ZNF490: variants seen among roughly 807,000 people sequenced by gnomAD.
ZNF490 encodes the protein zinc finger protein 490.
In ZNF490, 11 loss-of-function variants were observed where a neutral mutation model predicts 17.7. That is an observed-to-expected ratio of 0.62 (90% CI 0.39 to 1.03). ZNF490 has a LOEUF of 1.03. Ranked by LOEUF, ZNF490 falls within the 50% of genes least tolerant of loss-of-function variation. The pLI, the probability that ZNF490 is intolerant of heterozygous loss-of-function variation, is 0.00. For synonymous variants in ZNF490, 222 were observed against 216.1 expected (o/e 1.03, Z -0.24); for missense variants, 542 against 643.4 (o/e 0.84, Z 1.71).
chr19:12,597,056 G>A (rs1368894219), intron 2 of ZNF490: 1 of 454,482 alleles, frequency 2.2e-6, no homozygotes, highest in Non-Finnish European at 4.4e-6. Flanking sequence ...GAGACCCTCG[G>A]GTCAGCTGCG....
chr19:12,592,256 T>C (rs1599308996), intron 2 of ZNF490, among the ~76,000 whole-genome samples: 1 of 151,902 alleles, frequency 6.6e-6, no homozygotes, highest in Non-Finnish European at 1.5e-5. Flanking sequence ...GAATCAGGTA[T>C]CAAGCCATGA....
chr19:12,604,779 G>A (rs1381031650), intron 2 of ZNF490, among the ~76,000 whole-genome samples: 8 of 151,474 alleles, frequency 5.3e-5, no homozygotes, highest in Admixed American at 3.3e-4. Flanking sequence ...AGCTGAGATC[G>A]CGCCATTGCA....
At chr19:12,592,253 G>A (rs2022882000) in intron 2 of ZNF490, among the ~76,000 whole-genome samples, 2 of 151,886 alleles carry the variant, frequency 1.3e-5, no homozygotes, top group African/African-American at 2.4e-5. Flanking sequence ...GGAGAATCAG[G>A]TATCAAGCCA....
At chr19:12,591,201 C>T (rs547861611) in intron 2 of ZNF490, among the ~76,000 whole-genome samples, 11 of 151,940 alleles carry the variant, frequency 7.2e-5, no homozygotes, top group Admixed American at 2.0e-4. Context: ...CCAGTCTAGC[C>T]GACATGGTGA....
At chr19:12,593,175 T>G (rs2022892631) in intron 2 of ZNF490, among the ~76,000 whole-genome samples, 1 of 152,136 alleles carries the variant, frequency 6.6e-6, no homozygotes, top group Non-Finnish European at 1.5e-5. Flanking sequence ...GATTACCCTC[T>G]GTAGAGGTGT....
rs1599303039 is a variant in ZNF490, at chr19:12,578,520, G to A, written c.*1965C>T. ...AAACAAGTGTCCAAAGTGTAGGTTTGAGATGGGAAATGGAGCTGGAGATGA... is the reference window on the plus strand; with the variant it reads ...AAACAAGTGTCCAAAGTGTAGGTTTAAGATGGGAAATGGAGCTGGAGATGA... On this transcript the variant is annotated 3_prime_UTR_variant, in exon 5 of 5. Coordinates refer to ENST00000311437, the MANE Select transcript of ZNF490 (RefSeq NM_020714.3). 1 of 985,466 alleles carries A rather than the reference G, an allele frequency of 1.0e-6. No individual in the cohort carries two copies. The highest frequency in any genetic ancestry group is 1.2e-6 in the Non-Finnish European group (1 of 829,952). The allele number at this position is 985,466 out of a possible 1,614,324, so 61.0% of individuals were successfully genotyped here. A position where few individuals can be genotyped will look rare whatever the true frequency, so the allele number is the denominator to read the frequency against.
At chr19:12,583,341 T>G (rs1449823775) in intron 3 of ZNF490, 89 bp downstream of exon 3, 5 of 1,440,288 alleles carry the variant, frequency 3.5e-6, no homozygotes, top group Admixed American at 4.4e-5. Flanking sequence ...GCCTGGCCCC[T>G]TCCCCCATTT....
At chr19:12,607,897 T>G (rs113258512) in intron 2 of ZNF490, among the ~76,000 whole-genome samples, 5,077 of 152,122 alleles carry the variant, frequency 0.033, 305 homozygotes, top group African/African-American at 0.12. Context: ...ATGCTGAACT[T>G]AAGGATTGGC....
At chr19:12,604,171 A>G (rs1028797838) in intron 2 of ZNF490, among the ~76,000 whole-genome samples, 1 of 152,218 alleles carries the variant, frequency 6.6e-6, no homozygotes, top group African/African-American at 2.4e-5. Flanking sequence ...GAACATAACC[A>G]TATGCCTGGA....
At position 12,577,888 on chromosome 19, in the gene ZNF490, GA is replaced by G. The variant is rs1376086838; in HGVS notation, c.*2596del. On this transcript the variant is annotated 3_prime_UTR_variant, in exon 5 of 5. Transcript: ENST00000311437. Reference sequence around the variant, plus strand: ...ACACTGACTTGCTAAGAAAAGGGGGGACTGACTCCAACAAAGGACAGACCCG... The same window carrying G: ...ACACTGACTTGCTAAGAAAAGGGGGGCTGACTCCAACAAAGGACAGACCCG... The G allele has an allele frequency of 1.0e-6, 1 of 985,314 alleles. No individual in the cohort carries two copies. Among genetic ancestry groups the G allele is most frequent in the African/African-American group, 1.7e-5 (1 of 57,206 alleles). The allele number at this position is 985,314 out of a possible 1,614,324, so 61.0% of individuals were successfully genotyped here. A position where few individuals can be genotyped will look rare whatever the true frequency, so the allele number is the denominator to read the frequency against.
At chr19:12,590,158 G>A (rs983771537) in intron 2 of ZNF490, among the ~76,000 whole-genome samples, 1 of 150,948 alleles carries the variant, frequency 6.6e-6, no homozygotes, top group African/African-American at 2.4e-5. Flanking sequence ...CTTGTGATAC[G>A]CCCGTCTCAG....
chr19:12,604,886 G>A (rs929760449), intron 2 of ZNF490, among the ~76,000 whole-genome samples: 1 of 151,896 alleles, frequency 6.6e-6, no homozygotes, highest in Non-Finnish European at 1.5e-5. Flanking sequence ...GGGTGCAGTG[G>A]TTCACACCTG....
intron 3 of ZNF490, 60 bp downstream of exon 3, chr19:12,583,370 T>C (rs1719549000): frequency 6.6e-7 from 1 of 1,505,620 alleles, no homozygotes; most frequent in Admixed American, 2.0e-5. Context: ...GGAACTCAGT[T>C]GTTGTGCAAG....
At chr19:12,593,675 C>T (rs1443047077) in intron 2 of ZNF490, among the ~76,000 whole-genome samples, 2 of 152,142 alleles carry the variant, frequency 1.3e-5, no homozygotes, top group African/African-American at 2.4e-5. Flanking sequence ...TGAACTGCCC[C>T]TTGAATCTAG....
intron 1 of ZNF490, 139 bp from the exon 2 acceptor site, chr19:12,609,341 T>C (rs2023114245): frequency 2.9e-6 from 2 of 692,088 alleles, no homozygotes; most frequent in Non-Finnish European, 5.0e-6. Context: ...TCATGGGAGT[T>C]TTCAAGATTA....
chr19:12,577,769 A>G lies in ZNF490; in HGVS notation c.*2716T>C. The stretch of plus-strand genomic sequence containing the variant: ...TAAAGAGTTCCGACCCGAGCGACAC[A>G]AAGATCACTTCTGGGACCCACCCAG... On this transcript the variant is annotated 3_prime_UTR_variant, in exon 5 of 5. Transcript: ENST00000311437. 1 of 985,470 alleles carries G rather than the reference A, an allele frequency of 1.0e-6. No homozygotes were observed. The highest frequency in any genetic ancestry group is 1.2e-6 in the Non-Finnish European group (1 of 829,980). 61.0% of individuals were successfully genotyped at this position (985,470 alleles called of 1,614,324 possible). A position where few individuals can be genotyped will look rare whatever the true frequency, so the allele number is the denominator to read the frequency against.
In ZNF490 at chr19:12,601,913, G is replaced by T. The variant is rs2023009682; in HGVS notation, c.162+7245C>A. On this transcript the variant is annotated intron_variant, in intron 2 of 4. Transcript: ENST00000311437. ...GGAGGCTGAGGCAGGAGAATGGCGT[G>T]AACCCGGGAGGCGGAGCTTGCAGTG... Among the ~76,000 whole-genome samples, 6 of 151,520 alleles carry T rather than the reference G, an allele frequency of 4.0e-5. No individual in the cohort carries two copies. In the South Asian group the frequency reaches 1.0e-3, roughly 26 times the overall value.
At chr19:12,583,364 C>A in intron 3 of ZNF490, 66 bp downstream of exon 3, 1 of 1,494,886 alleles carries the variant, frequency 6.7e-7, no homozygotes, top group East Asian at 2.5e-5. Flanking sequence ...AACCTTGGAA[C>A]TCAGTTGTTG....
chr19:12,610,462 C>G, intron 1 of ZNF490, 102 bp downstream of exon 1: 1 of 978,452 alleles, frequency 1.0e-6, no homozygotes, highest in South Asian at 1.3e-5. Flanking sequence ...GATTAAAATG[C>G]AACCACACTT....
Sources: gnomAD v4.1 joint callset for allele counts (sites outside exome capture counted in the v4.1 genomes callset) on GRCh38, gnomAD v4.1.1 for gene constraint, MANE v1.5 for transcripts, NCBI Gene and HGNC (gene_info 2026-07-23, HGNC 2026-07-21) for gene names.